SNX29: variants seen among roughly 807,000 people sequenced by gnomAD.
The protein encoded by SNX29 is sorting nexin 29.
Under a neutral mutation model 102.1 loss-of-function variants are expected in SNX29, and 78 were observed. The ratio of observed to expected loss-of-function variants is 0.76; its 90% CI spans 0.64 to 0.92. The LOEUF (loss-of-function observed/expected upper bound fraction) is 0.92, where lower values mean the gene tolerates loss of function less well. Among genes scored for constraint, SNX29 ranks in the 40% least tolerant of loss-of-function variants. The pLI is 0.00. For missense variants in SNX29, 1,280 were observed against 1,061.7 expected (o/e 1.21, Z -2.86); for synonymous variants, 580 against 414.5 (o/e 1.40, Z -4.85).
chr16:12,497,944 C>G (rs2088914067), intron 19 of SNX29, among the ~76,000 whole-genome samples: 1 of 152,108 alleles, frequency 6.6e-6, no homozygotes, highest in Non-Finnish European at 1.5e-5. Flanking sequence ...TCTGTCCACT[C>G]TCAGACAAGG....
At chr16:12,101,187 G>T (rs904839497) in intron 11 of SNX29, among the ~76,000 whole-genome samples, 1 of 152,060 alleles carries the variant, frequency 6.6e-6, no homozygotes, top group Admixed American at 6.6e-5. Flanking sequence ...TGCGCATCCT[G>T]AGCATCCTGC....
chr16:12,249,278 C>G (rs1184568626), intron 14 of SNX29, among the ~76,000 whole-genome samples: 1 of 152,114 alleles, frequency 6.6e-6, no homozygotes, highest in South Asian at 2.1e-4. Context: ...GGCTGCTGGC[C>G]GAGTCCTGCC....
intron 18 of SNX29, among the ~76,000 whole-genome samples, chr16:12,417,669 TCTTA>T (rs745959931): frequency 7.9e-5 from 12 of 152,136 alleles, no homozygotes; most frequent in African/African-American, 2.4e-4. Flanking sequence ...CCCTTCCTCC[TCTTA>T]CTGCCTCTCT....
chr16:12,151,069 G>T (rs1186657733), intron 13 of SNX29, among the ~76,000 whole-genome samples: 1 of 152,094 alleles, frequency 6.6e-6, no homozygotes, highest in African/African-American at 2.4e-5. Context: ...TTAAATTATG[G>T]AATTTTTCAA....
At chr16:12,194,862 G>T (rs2076733023) in intron 13 of SNX29, among the ~76,000 whole-genome samples, 1 of 152,002 alleles carries the variant, frequency 6.6e-6, no homozygotes, top group African/African-American at 2.4e-5. Context: ...CCCGACCTCA[G>T]ATGATCCACT....
intron 16 of SNX29, among the ~76,000 whole-genome samples, chr16:12,385,446 C>T (rs375443276): frequency 2.8e-4 from 42 of 152,066 alleles, no homozygotes; most frequent in African/African-American, 8.9e-4. Flanking sequence ...CATTGTGTCC[C>T]GCAGGGCTCT....
chr16:12,168,993 G>T (rs2076081568), intron 13 of SNX29, among the ~76,000 whole-genome samples: 2 of 152,200 alleles, frequency 1.3e-5, no homozygotes, highest in African/African-American at 2.4e-5. Flanking sequence ...ACCAGAAAGG[G>T]TTTTCCGTCA....
chr16:12,367,361 A>T (rs1373316067), intron 16 of SNX29: 1 of 152,254 alleles, frequency 6.6e-6, no homozygotes, highest in African/African-American at 2.4e-5. Flanking sequence ...AGCACGTTCG[A>T]TTATCCAGAA....
intron 14 of SNX29, among the ~76,000 whole-genome samples, chr16:12,266,152 TG>T (rs2078921475): frequency 6.6e-6 from 1 of 152,132 alleles, no homozygotes; most frequent in African/African-American, 2.4e-5. Context: ...CTTGAACTAC[TG>T]GGCTCAAGCG....
At chr16:12,485,932 A>G (rs1205788002) in intron 19 of SNX29, among the ~76,000 whole-genome samples, 1 of 152,194 alleles carries the variant, frequency 6.6e-6, no homozygotes, top group East Asian at 1.9e-4. Flanking sequence ...AGCAGAATCA[A>G]TGCAAGGCAT....
chr16:12,505,688 CT>C (rs2089340392), intron 19 of SNX29, among the ~76,000 whole-genome samples: 1 of 113,306 alleles, frequency 8.8e-6, no homozygotes, highest in Non-Finnish European at 1.7e-5. Flanking sequence ...CAGCTTTGTT[CT>C]TTTTCAACAT....
In SNX29 at chr16:12,310,353, C is replaced by T. The variant is rs192286406; in HGVS notation, c.1782+32317C>T. Reference sequence around the variant, plus strand: ...CTAGAGAAAAGGAAATACACGTTCACACAAGGACTTGTGCACAAATGTTCA... The same window carrying T: ...CTAGAGAAAAGGAAATACACGTTCATACAAGGACTTGTGCACAAATGTTCA... On this transcript the variant is annotated intron_variant, in intron 15 of 20. Transcript: ENST00000566228. Among the ~76,000 whole-genome samples the T allele has an allele frequency of 1.5e-3, 224 of 152,348 alleles. 1 individual carries two copies. Among genetic ancestry groups the T allele is most frequent in the Non-Finnish European group, 2.4e-3 (162 of 68,044 alleles).
At chr16:12,549,635 G>C (rs962944267) in intron 20 of SNX29, among the ~76,000 whole-genome samples, 4 of 152,230 alleles carry the variant, frequency 2.6e-5, no homozygotes, top group Admixed American at 2.6e-4. Context: ...GCTCTGTAAA[G>C]AGCATAGCTG....
chr16:12,139,313 A>G lies in SNX29; in HGVS notation c.1595+9555A>G, dbSNP rs150680084. On this transcript the variant is annotated intron_variant, in intron 13 of 20. Coordinates refer to ENST00000566228, the MANE Select transcript of SNX29 (RefSeq NM_032167.5). The stretch of plus-strand genomic sequence containing the variant: ...GCTTCATGGGAGTAGGTATTCCTGA[A>G]TAGCGTTATTACTGACAGTCACAGT... Among the ~76,000 whole-genome samples the G allele has an allele frequency of 2.8e-3, 432 of 151,722 alleles. 1 individual carries two copies. The highest frequency in any genetic ancestry group is 4.8e-3 in the Non-Finnish European group (329 of 67,984).
At chr16:12,454,815 G>C (rs946904577) in intron 18 of SNX29, among the ~76,000 whole-genome samples, 11 of 151,116 alleles carry the variant, frequency 7.3e-5, no homozygotes, top group Admixed American at 7.2e-4. Flanking sequence ...TGCCTCCCAG[G>C]TTCAGGCACT....
intron 11 of SNX29, among the ~76,000 whole-genome samples, chr16:12,120,004 A>G (rs1170688738): frequency 6.6e-6 from 1 of 152,110 alleles, no homozygotes; most frequent in East Asian, 1.9e-4. Flanking sequence ...TTCCTCCTTT[A>G]TCTTAACAAA....
At chr16:12,388,480 A>G (rs1036843197) in intron 16 of SNX29, among the ~76,000 whole-genome samples, 1 of 152,182 alleles carries the variant, frequency 6.6e-6, no homozygotes, top group Non-Finnish European at 1.5e-5. Context: ...GACAAATGAG[A>G]TTTCCCTGAA....
At chr16:12,323,348 AT>A (rs1168755583) in intron 15 of SNX29, among the ~76,000 whole-genome samples, 3 of 152,118 alleles carry the variant, frequency 2.0e-5, no homozygotes, top group Non-Finnish European at 4.4e-5. Flanking sequence ...ACCACTACTG[AT>A]TTAATATTTT....
chr16:12,271,753 G>T (rs905814613), intron 14 of SNX29, among the ~76,000 whole-genome samples: 3 of 151,958 alleles, frequency 2.0e-5, no homozygotes, highest in Non-Finnish European at 4.4e-5. Flanking sequence ...CTCCTGAGTA[G>T]CTGGGATTAC....
Sources: gnomAD v4.1 joint callset for allele counts (sites outside exome capture counted in the v4.1 genomes callset) on GRCh38, gnomAD v4.1.1 for gene constraint, MANE v1.5 for transcripts, NCBI Gene and HGNC (gene_info 2026-07-23, HGNC 2026-07-21) for gene names.